The following CACNA1C variants were observed in gnomAD, a reference collection of about 807,000 sequenced individuals.
The protein encoded by CACNA1C is calcium voltage-gated channel subunit alpha1 C, also known as voltage-dependent L-type calcium channel subunit alpha-1C.
CACNA1C carries 30 observed loss-of-function variants against 229.0 expected under a neutral mutation model. The observed-to-expected ratio is 0.13, with a 90% CI of 0.10 to 0.18. The LOEUF (loss-of-function observed/expected upper bound fraction) is 0.18, where lower values mean the gene tolerates loss of function less well. Ranked by LOEUF, CACNA1C falls within the 10% of genes least tolerant of loss-of-function variation. The pLI is 1.00. For missense variants in CACNA1C, 1,658 were observed against 2,845.0 expected, an observed-to-expected ratio of 0.58 and a Z score of 9.49; for synonymous variants, 1,114 against 1,132.5, an observed-to-expected ratio of 0.98 and a Z score of 0.33.
intron 5 of CACNA1C, among the ~76,000 whole-genome samples, chr12:2,482,326 G>A (rs946201610): frequency 1.3e-5 from 2 of 152,230 alleles, no homozygotes; most frequent in East Asian, 3.8e-4. Flanking sequence ...CGTGGAGGCT[G>A]AGAGCTGCTG....
chr12:2,470,273 C>G (rs1343336807), intron 5 of CACNA1C, among the ~76,000 whole-genome samples: 2 of 152,142 alleles, frequency 1.3e-5, no homozygotes, highest in Non-Finnish European at 2.9e-5. Context: ...TCAGGAAGCT[C>G]CATAATGGAT....
At chr12:2,545,052 G>A (rs1464325043) in intron 9 of CACNA1C, among the ~76,000 whole-genome samples, 1 of 152,094 alleles carries the variant, frequency 6.6e-6, no homozygotes, top group Non-Finnish European at 1.5e-5. Context: ...TGTAAGTTTG[G>A]CTTTGGGAAG....
intron 37 of CACNA1C, among the ~76,000 whole-genome samples, chr12:2,667,448 G>A (rs1409383229): frequency 5.9e-5 from 9 of 152,152 alleles, no homozygotes; most frequent in African/African-American, 2.2e-4. Context: ...CATGGAAAAC[G>A]CAGATTGAGG....
intron 9 of CACNA1C, among the ~76,000 whole-genome samples, chr12:2,526,876 G>A (rs540562631): frequency 3.6e-4 from 55 of 152,266 alleles, no homozygotes; most frequent in African/African-American, 1.3e-3. Context: ...TCCTCCGACT[G>A]AAGAAAAGTA....
Position 2,608,827 on chromosome 12 carries a change from C to G in CACNA1C, c.3558+115C>G. Reference sequence around the variant, plus strand: ...GAGGCCGTGCAGATACTGAGATCGTCTCTCTATTCCTCAACCAGAGTGGGC... The same window carrying G: ...GAGGCCGTGCAGATACTGAGATCGTGTCTCTATTCCTCAACCAGAGTGGGC... On this transcript the variant is annotated intron_variant, in intron 27 of 46. Transcript: ENST00000399655. The surrounding 1 kb of genome is among the most constrained non-coding windows in gnomAD (Gnocchi z 4.2). 2 of 973,232 alleles carry G rather than the reference C, an allele frequency of 2.1e-6. No homozygotes were observed. Among genetic ancestry groups the G allele is most frequent in the Non-Finnish European group, 3.1e-6 (2 of 650,596 alleles). 60.3% of individuals were successfully genotyped at this position (973,232 alleles called of 1,614,324 possible). A position where few individuals can be genotyped will look rare whatever the true frequency, so the allele number is the denominator to read the frequency against.
At chr12:2,464,835 G>A (rs530077274) in intron 5 of CACNA1C, among the ~76,000 whole-genome samples, 333 of 152,326 alleles carry the variant, frequency 2.2e-3, no homozygotes, top group African/African-American at 6.1e-3. Context: ...TCCTTGCTCA[G>A]GTGAGGACTG....
At chr12:2,004,620 C>T in intron 1 of CACNA1C, 2 of 783,552 alleles carry the variant, frequency 2.6e-6, no homozygotes, top group Non-Finnish European at 3.9e-6. Flanking sequence ...TGGCCGCGCC[C>T]CGCCCACTGA....
In CACNA1C at chr12:2,632,072, T is replaced by C. The variant is rs1372436502; in HGVS notation, c.3829-2225T>C. ...GAACCTCTCGGAGGACGCTTCATGC[T>C]TTCATACCCCACTCCGACCTCAGAA... On this transcript the variant is annotated intron_variant, in intron 29 of 46. Transcript: ENST00000399655. The surrounding 1 kb of genome is among the most constrained non-coding windows in gnomAD (Gnocchi z 4.1). Among the ~76,000 whole-genome samples the C allele has an allele frequency of 1.3e-5, 2 of 152,074 alleles. No homozygotes were observed. The highest frequency in any genetic ancestry group is 6.5e-5 in the Admixed American group (1 of 15,292).
At chr12:2,243,571 A>G (rs1189716598) in intron 3 of CACNA1C, among the ~76,000 whole-genome samples, 1 of 152,226 alleles carries the variant, frequency 6.6e-6, no homozygotes, top group African/African-American at 2.4e-5. Flanking sequence ...CATAGTGGAA[A>G]TGGCATTTTG....
chr12:2,381,106 G>T (rs994754987), intron 3 of CACNA1C, among the ~76,000 whole-genome samples: 1 of 152,210 alleles, frequency 6.6e-6, no homozygotes, highest in Non-Finnish European at 1.5e-5. Flanking sequence ...ACTCAAGCTG[G>T]CTGCCTGTGG....
rs542420244 is a variant in CACNA1C, at chr12:2,646,402, G to T, written c.3913-2073G>T. 4.6e-5 allele frequency: 7 copies of T among 152,130 alleles called. No homozygotes were observed. The South Asian group carries it at 1.0e-3, about 23-fold the overall frequency. 9.4% of individuals were successfully genotyped at this position (152,130 alleles called of 1,614,324 possible). ...TGTTCAGGCTGGGATTGACCCAGAA[G>T]ACCTTCAAGCATTTGCCCAGGGTTC... On this transcript the variant is annotated intron_variant, in intron 30 of 46. Coordinates refer to ENST00000399655, the MANE Select transcript of CACNA1C (RefSeq NM_000719.7). This position sits in a 1 kb window ranked among gnomAD's most constrained non-coding sequence, Gnocchi z 4.6.
chr12:2,179,198 CTT>C (rs2096757135), intron 3 of CACNA1C, among the ~76,000 whole-genome samples: 1 of 152,212 alleles, frequency 6.6e-6, no homozygotes, highest in Non-Finnish European at 1.5e-5. Context: ...GGAATCCAGT[CTT>C]TTATAAAACT....
At chr12:2,540,172 A>C (rs956758449) in intron 9 of CACNA1C, among the ~76,000 whole-genome samples, 1 of 152,148 alleles carries the variant, frequency 6.6e-6, no homozygotes, top group Non-Finnish European at 1.5e-5. Context: ...GCAGGAAGCA[A>C]GGTCAGCTTC....
Position 2,053,646 on chromosome 12 carries a change from C to G in CACNA1C, c.49+35C>G. On this transcript the variant is annotated intron_variant, in intron 1 of 46. Coordinates refer to ENST00000399655, the MANE Select transcript of CACNA1C (RefSeq NM_000719.7). The surrounding 1 kb of genome is among the most constrained non-coding windows in gnomAD (Gnocchi z 5.8). ...GACCCCGCCGCCTCGCCGGGGCTCC[C>G]TGCCTTTTCCACCGGGTTCCTGCCC... The G allele has an allele frequency of 6.5e-7, 1 of 1,546,384 alleles. No homozygotes were observed. The highest frequency in any genetic ancestry group is 8.7e-7 in the Non-Finnish European group (1 of 1,146,390).
chr12:2,052,611 G>GCCGCGGCCA (rs562644445), upstream of CACNA1C, among the ~76,000 whole-genome samples: 14 of 143,910 alleles, frequency 9.7e-5, no homozygotes, highest in South Asian at 2.1e-4. Flanking sequence ...GTGTGTCCGC[G>GCCGCGGCCA]CCGCGGCCAC....
chr12:2,032,142 C>T (rs183745563), intron 1 of CACNA1C, among the ~76,000 whole-genome samples: 2 of 152,112 alleles, frequency 1.3e-5, no homozygotes, highest in East Asian at 1.9e-4. Flanking sequence ...TCTCGGTAAC[C>T]GGAGGGGGCG....
Position 2,655,222 on chromosome 12 carries a change from G to C in CACNA1C, c.4216G>C (p.Val1406Leu). 1 of 1,611,524 alleles carries C rather than the reference G, an allele frequency of 6.2e-7. No individual in the cohort carries two copies. Among genetic ancestry groups the C allele is most frequent in the African/African-American group, 1.3e-5 (1 of 74,952 alleles). The change falls in exon 34 of 47, where the codon GTG becomes CTG. Residue 1406 changes from valine to leucine, a missense_variant. By Grantham distance (32) the Val-to-Leu change is conservative. Around this residue, in one of 20 missense-constraint regions of CACNA1C, gnomAD observed 151 missense variants for 344.4 expected, o/e 0.44. Coordinates refer to ENST00000399655, the MANE Select transcript of CACNA1C (RefSeq NM_000719.7). ...NNNFQTFPQA[V>L]LLLFRCATGE... ...CAACTTTCAGACCTTCCCCCAGGCC[G>C]TGCTGCTCCTCTTCAGGTGGGTCCC...
chr12:1,991,330 C>T (rs772481573), intron 1 of CACNA1C: 25 of 425,396 alleles, frequency 5.9e-5, no homozygotes, highest in Middle Eastern at 6.8e-4. Flanking sequence ...TTATAAAATA[C>T]GGAAACATAA....
At chr12:2,352,195 T>C (rs1191831294) in intron 3 of CACNA1C, among the ~76,000 whole-genome samples, 1 of 152,194 alleles carries the variant, frequency 6.6e-6, no homozygotes, top group Non-Finnish European at 1.5e-5. Flanking sequence ...ACCTGCACTG[T>C]GGGCCTTGGC....
Sources: allele counts gnomAD v4.1 joint callset (sites outside exome capture counted in the v4.1 genomes callset), GRCh38; gene constraint gnomAD v4.1.1; regional missense constraint gnomAD v4.1.1; non-coding constraint Gnocchi (gnomAD v3.1); transcripts MANE v1.5; gene names NCBI Gene and HGNC (gene_info 2026-07-23, HGNC 2026-07-21).